The following LTBP1 variants were observed in gnomAD, a reference collection of about 807,000 sequenced individuals.
LTBP1 encodes the protein latent transforming growth factor beta binding protein 1.
Under a neutral mutation model 207.6 loss-of-function variants are expected in LTBP1, and 129 were observed. That is an observed-to-expected ratio of 0.62 (90% CI 0.54 to 0.72). The LOEUF is 0.72. Ranked by LOEUF, LTBP1 falls within the 30% of genes least tolerant of loss-of-function variation. LTBP1 has a pLI of 0.00. For missense variants in LTBP1, 2,281 were observed against 2,217.2 expected (o/e 1.03, Z -0.58); for synonymous variants, 963 against 833.7 (o/e 1.16, Z -2.67).
intron 24 of LTBP1, among the ~76,000 whole-genome samples, chr2:33,321,281 A>G (rs2094350123): frequency 7.0e-6 from 1 of 141,954 alleles, no homozygotes; most frequent in Non-Finnish European, 1.6e-5. Flanking sequence ...CTCTAACCCC[A>G]TAACCTTCTT....
intron 2 of LTBP1, among the ~76,000 whole-genome samples, chr2:32,987,679 T>C (rs1216935486): frequency 2.0e-5 from 3 of 152,202 alleles, no homozygotes; most frequent in African/African-American, 7.2e-5. Context: ...AGTAGGTGCT[T>C]AGGAAATACA....
rs367629284 is a variant in LTBP1, at chr2:33,398,510, G to A, written c.5131G>A (p.Ala1711Thr). The A allele has an allele frequency of 5.0e-5, 80 of 1,613,998 alleles. 1 individual carries two copies. The highest frequency in any genetic ancestry group is 1.6e-4 in the Middle Eastern group (1 of 6,084). Residue 1711 changes from alanine to threonine, a missense_variant, in exon 34 of 34, where the codon GCC (alanine) becomes ACC (threonine). Physicochemically the swap from Ala to Thr is moderately conservative, Grantham distance 58 (BLOSUM62 0). Coordinates refer to ENST00000404816, the MANE Select transcript of LTBP1 (RefSeq NM_206943.4). ...AAACTACTGCACTCCGTTGAATACC[G>A]CCTTGAATTTAGAGAAAGACAGTGA... Reference protein sequence around the residue: ...KPNYCTPLNTALNLEKDSDLE With the variant: ...KPNYCTPLNTTLNLEKDSDLE
chr2:33,075,183 T>C (rs2078017230), intron 3 of LTBP1, among the ~76,000 whole-genome samples: 1 of 152,218 alleles, frequency 6.6e-6, no homozygotes, highest in African/African-American at 2.4e-5. Context: ...CTTAGACACC[T>C]GTAATTCTAG....
At chr2:33,361,871 AATCATATCAATTATG>A (rs1489461238) in intron 28 of LTBP1, among the ~76,000 whole-genome samples, 1 of 152,172 alleles carries the variant, frequency 6.6e-6, no homozygotes, top group Non-Finnish European at 1.5e-5. Context: ...GCTTAATAGA[AATCATATCAATTATG>A]ATCATATAAA....
chr2:33,088,299 A>G (rs1278882269), intron 3 of LTBP1, among the ~76,000 whole-genome samples: 3 of 152,186 alleles, frequency 2.0e-5, no homozygotes, highest in Non-Finnish European at 4.4e-5. Flanking sequence ...TAAAGATACA[A>G]AAATTAGCTA....
rs540362791 is a variant in LTBP1, at chr2:33,223,520, AATTTAAGGTATCATTG to A, written c.1876+1371_1876+1386del. On this transcript the variant is annotated intron_variant, in intron 9 of 33. Coordinates refer to ENST00000404816, the MANE Select transcript of LTBP1 (RefSeq NM_206943.4). ...TTAATCTACATTATTTTAGAGTCAG[AATTTAAGGTATCATTG>A]AATTAATTAGATGGATGAATGAGTA... Among the ~76,000 whole-genome samples the A allele has an allele frequency of 4.2e-3, 644 of 152,336 alleles. 4 individuals carry two copies. The highest frequency in any genetic ancestry group is 7.5e-3 in the South Asian group (36 of 4,818).
rs2093367985 is a variant in LTBP1, at chr2:33,273,769, A to G, written c.2731A>G (p.Arg911Gly). The change falls in exon 16 of 34, where the codon AGG (arginine) becomes GGG (glycine). Residue 911 changes from arginine (R) to glycine (G), a missense_variant. Coordinates refer to ENST00000404816, the MANE Select transcript of LTBP1 (RefSeq NM_206943.4). ...YEGYRFSEQQRKCVDIDECTQ... is the reference protein window; with the variant it reads ...YEGYRFSEQQGKCVDIDECTQ... ...GGGCTACAGGTTCAGTGAACAACAG[A>G]GGAAATGTGTGGGTAAGAGACAATT... 6.2e-7 allele frequency: 1 copy of G among 1,604,044 alleles called. No individual in the cohort carries two copies. The highest frequency in any genetic ancestry group is 1.7e-5 in the Admixed American group (1 of 57,928).
At chr2:33,356,653 A>C (rs1355410510) in intron 26 of LTBP1, among the ~76,000 whole-genome samples, 3 of 151,902 alleles carry the variant, frequency 2.0e-5, no homozygotes, top group Admixed American at 2.0e-4. Flanking sequence ...GTCTCAAAAA[A>C]CAAAAAACAA....
At chr2:33,167,119 T>G (rs185284636) in intron 5 of LTBP1, among the ~76,000 whole-genome samples, 57 of 152,224 alleles carry the variant, frequency 3.7e-4, no homozygotes, top group East Asian at 2.7e-3. Flanking sequence ...CATTATTTAA[T>G]TAAATGTTAT....
At chr2:33,153,139 A>G in intron 5 of LTBP1, among the ~76,000 whole-genome samples, 1 of 152,232 alleles carries the variant, frequency 6.6e-6, no homozygotes. Context: ...AAGGATGTAC[A>G]GTATGTTCCC....
intron 5 of LTBP1, among the ~76,000 whole-genome samples, chr2:33,151,631 A>C (rs1056120737): frequency 1.9e-4 from 29 of 151,772 alleles, no homozygotes; most frequent in African/African-American, 6.8e-4. Flanking sequence ...CCTTCCCTCT[A>C]AGTCTCTAAA....
intron 5 of LTBP1, among the ~76,000 whole-genome samples, chr2:33,174,964 C>T (rs1315404919): frequency 2.0e-5 from 3 of 151,824 alleles, no homozygotes; most frequent in African/African-American, 7.3e-5. Flanking sequence ...ATGTAGAAAG[C>T]TGAAACTGGA....
intron 25 of LTBP1, 136 bp downstream of exon 25, chr2:33,343,099 A>T (rs1279739655): frequency 2.8e-6 from 3 of 1,080,130 alleles, no homozygotes; most frequent in Non-Finnish European, 3.9e-6. Context: ...CAATTTGAGG[A>T]TGTGCAAAAA....
intron 9 of LTBP1, among the ~76,000 whole-genome samples, chr2:33,238,416 G>A (rs543112682): frequency 3.3e-5 from 5 of 152,264 alleles, no homozygotes; most frequent in African/African-American, 7.2e-5. Flanking sequence ...TCCCAGAAGG[G>A]CACTTGTGCT....
At chr2:33,025,710 C>A (rs2075382348) in intron 3 of LTBP1, among the ~76,000 whole-genome samples, 1 of 152,108 alleles carries the variant, frequency 6.6e-6, no homozygotes, top group South Asian at 2.1e-4. Flanking sequence ...AAAGTATTTA[C>A]AGATGAAATG....
intron 5 of LTBP1, among the ~76,000 whole-genome samples, chr2:33,148,347 A>G (rs1199067991): frequency 6.6e-6 from 1 of 152,230 alleles, no homozygotes; most frequent in Non-Finnish European, 1.5e-5. Context: ...TCTTTCTGAT[A>G]ACATATGTTC....
chr2:33,282,511 T>C (rs542947367), intron 19 of LTBP1, among the ~76,000 whole-genome samples: 3 of 152,214 alleles, frequency 2.0e-5, no homozygotes, highest in Admixed American at 6.6e-5. Flanking sequence ...AAAGCAGATA[T>C]TGCAGCATGC....
intron 24 of LTBP1, among the ~76,000 whole-genome samples, chr2:33,341,437 T>G (rs2094618871): frequency 6.6e-6 from 1 of 151,710 alleles, no homozygotes; most frequent in African/African-American, 2.4e-5. Context: ...TGCGGCCAGG[T>G]GCGGTGGCTC....
chr2:33,326,682 C>T (rs1003737698), intron 24 of LTBP1, among the ~76,000 whole-genome samples: 2 of 54,284 alleles, frequency 3.7e-5, no homozygotes, highest in Non-Finnish European at 7.8e-5. Flanking sequence ...TTTTGGAGGC[C>T]GAATCTCGCT....
Sources: allele counts gnomAD v4.1 joint callset (sites outside exome capture counted in the v4.1 genomes callset), GRCh38; gene constraint gnomAD v4.1.1; transcripts MANE v1.5; gene names NCBI Gene and HGNC (gene_info 2026-07-23, HGNC 2026-07-21).